Variants in CEP112 observed in about 807,000 individuals in gnomAD.
The protein encoded by CEP112 is centrosomal protein 112, also known as centrosomal protein of 112 kDa.
CEP112 carries 127 observed loss-of-function variants against 153.0 expected under a neutral mutation model. The observed-to-expected ratio is 0.83, with a 90% CI of 0.72 to 0.96. The LOEUF is 0.96. Ranked by LOEUF, CEP112 falls within the 40% of genes least tolerant of loss-of-function variation. CEP112 has a pLI of 0.00. For missense variants in CEP112, 1,089 were observed against 1,101.2 expected (o/e 0.99, Z 0.16); for synonymous variants, 358 against 374.4 (o/e 0.96, Z 0.51).
chr17:66,173,612 C>T (rs1318687783), intron 4 of CEP112, among the ~76,000 whole-genome samples: 2 of 152,190 alleles, frequency 1.3e-5, no homozygotes, highest in African/African-American at 4.8e-5. Context: ...TGGCAAACAA[C>T]TGATGTATTT....
At chr17:66,175,786 T>A (rs1464520870) in intron 3 of CEP112, among the ~76,000 whole-genome samples, 1 of 152,230 alleles carries the variant, frequency 6.6e-6, no homozygotes, top group Non-Finnish European at 1.5e-5. Context: ...TTCCCTTTGA[T>A]TCTATGAAAT....
intron 6 of CEP112, among the ~76,000 whole-genome samples, chr17:66,115,216 A>AC (rs1444924748): frequency 1.3e-5 from 2 of 152,024 alleles, no homozygotes; most frequent in African/African-American, 4.8e-5. Flanking sequence ...CAAAAAAAAA[A>AC]CCCTGACAAT....
At chr17:66,135,105 A>G (rs1045184343) in intron 4 of CEP112, among the ~76,000 whole-genome samples, 1 of 152,210 alleles carries the variant, frequency 6.6e-6, no homozygotes, top group African/African-American at 2.4e-5. Flanking sequence ...CCTACTTCCA[A>G]TTCAACATGT....
rs144066140 is a variant in CEP112, at chr17:65,992,552, T to C, written c.1736+13138A>G. On this transcript the variant is annotated intron_variant, in intron 17 of 26. Transcript: ENST00000535342. ...CTCACTTCTATTGGTTCTTTGATAA[T>C]GCCAATGAATAGTCTAAAATTTCTG... Among the ~76,000 whole-genome samples, 105 of 152,298 alleles carry C rather than the reference T, an allele frequency of 6.9e-4. 3 individuals carry two copies. The South Asian group carries it at 0.021, about 30-fold the overall frequency.
intron 4 of CEP112, among the ~76,000 whole-genome samples, chr17:66,162,642 A>G (rs530000623): frequency 6.6e-6 from 1 of 152,328 alleles, no homozygotes; most frequent in East Asian, 1.9e-4. Flanking sequence ...CATAATGTTG[A>G]GCAAAAGAAG....
intron 21 of CEP112, among the ~76,000 whole-genome samples, chr17:65,829,515 T>C (rs912502360): frequency 3.9e-5 from 6 of 152,186 alleles, no homozygotes; most frequent in African/African-American, 1.2e-4. Flanking sequence ...AATAAGAGGC[T>C]CTGTCCCTTT....
chr17:65,856,736 A>G (rs1215467535), intron 20 of CEP112, among the ~76,000 whole-genome samples: 1 of 152,218 alleles, frequency 6.6e-6, no homozygotes, highest in Admixed American at 6.5e-5. Context: ...ATCTTTAAAA[A>G]ATGAGCAAAA....
At chr17:65,641,390 C>T (rs2045125922) in intron 24 of CEP112, among the ~76,000 whole-genome samples, 1 of 152,190 alleles carries the variant, frequency 6.6e-6, no homozygotes, top group South Asian at 2.1e-4. Context: ...AGCCCTGCAG[C>T]CTCTCCTTGA....
chr17:65,797,845 C>A (rs931672806), intron 21 of CEP112, among the ~76,000 whole-genome samples: 1 of 152,306 alleles, frequency 6.6e-6, no homozygotes, highest in African/African-American at 2.4e-5. Context: ...TTTTGCCTGA[C>A]AATCATATTT....
At chr17:66,169,282 CTTTTTTTTTT>C (rs538896272) in intron 4 of CEP112, among the ~76,000 whole-genome samples, 1 of 120,968 alleles carries the variant, frequency 8.3e-6, no homozygotes, top group East Asian at 2.5e-4. Context: ...TTAATTTCTT[CTTTTTTTTTT>C]TTTTTTTTTG....
At chr17:65,995,359 G>T (rs975417248) in intron 17 of CEP112, among the ~76,000 whole-genome samples, 1 of 152,094 alleles carries the variant, frequency 6.6e-6, no homozygotes, top group African/African-American at 2.4e-5. Context: ...AAAAGAAAAG[G>T]CAAAACTGGA....
chr17:65,730,168 G>T (rs904521883), intron 23 of CEP112, among the ~76,000 whole-genome samples: 29 of 152,136 alleles, frequency 1.9e-4, no homozygotes, highest in Non-Finnish European at 3.8e-4. Flanking sequence ...GAAGGATTTT[G>T]TCCACTGAAC....
chr17:65,807,704 T>A (rs1010497481), intron 21 of CEP112, among the ~76,000 whole-genome samples: 1 of 152,214 alleles, frequency 6.6e-6, no homozygotes, highest in African/African-American at 2.4e-5. Flanking sequence ...CTTGGTGGCT[T>A]CCACATGGTG....
intron 21 of CEP112, among the ~76,000 whole-genome samples, chr17:65,837,382 C>T (rs1006240611): frequency 2.0e-5 from 3 of 152,014 alleles, no homozygotes; most frequent in East Asian, 1.9e-4. Context: ...GGCCACCCAT[C>T]GTCTGAGATG....
intron 23 of CEP112, among the ~76,000 whole-genome samples, chr17:65,696,942 C>A (rs74906905): frequency 3.5e-3 from 539 of 152,056 alleles, no homozygotes; most frequent in African/African-American, 0.012. Flanking sequence ...AGGAGGGATG[C>A]GGGAGGATTT....
chr17:66,083,041 A>T (rs1476901103), intron 8 of CEP112, among the ~76,000 whole-genome samples: 1 of 152,114 alleles, frequency 6.6e-6, no homozygotes, highest in African/African-American at 2.4e-5. Flanking sequence ...ACTTCAACAA[A>T]ATTAAATACT....
rs1598342156 is a variant in CEP112 at position 66,095,796 on chromosome 17, G to A, written c.768+455C>T. ...AATAAACATCTACAATTTTGTCCAGGTGTGGTGGCTCATGCCTATAATCCT... is the reference window on the plus strand; with the variant it reads ...AATAAACATCTACAATTTTGTCCAGATGTGGTGGCTCATGCCTATAATCCT... On this transcript the variant is annotated intron_variant, in intron 8 of 26. Coordinates refer to ENST00000535342, the MANE Select transcript of CEP112 (RefSeq NM_001199165.4). 2.0e-5 allele frequency among the ~76,000 whole-genome samples: 3 copies of A among 152,206 alleles called. No individual in the cohort carries two copies. The South Asian group carries it at 6.2e-4, about 32-fold the overall frequency.
rs192833307 is a variant in CEP112, at chr17:65,774,262, C to T, written c.2395-23538G>A. Reference sequence around the variant, plus strand: ...GAATGAAGGAGAAAATGTTTACCTGCGGTTTTGTTCCCGAGAAAAGACCCT... The same window carrying T: ...GAATGAAGGAGAAAATGTTTACCTGTGGTTTTGTTCCCGAGAAAAGACCCT... On this transcript the variant is annotated intron_variant, in intron 21 of 26. Transcript: ENST00000535342. Among the ~76,000 whole-genome samples the T allele has an allele frequency of 2.6e-5, 4 of 152,180 alleles. No individual in the cohort carries two copies. The East Asian group carries it at 5.8e-4, about 22-fold the overall frequency.
chr17:66,028,864 C>T (rs1228444867), intron 14 of CEP112, among the ~76,000 whole-genome samples: 1 of 108,130 alleles, frequency 9.2e-6, no homozygotes, highest in Non-Finnish European at 2.1e-5. Context: ...TATGTTTCCT[C>T]CTTTTAAGAC....
Sources: allele counts gnomAD v4.1 joint callset (sites outside exome capture counted in the v4.1 genomes callset), GRCh38; gene constraint gnomAD v4.1.1; transcripts MANE v1.5; gene names NCBI Gene and HGNC (gene_info 2026-07-23, HGNC 2026-07-21).